Variants in DPP10 observed in about 807,000 individuals in gnomAD.
DPP10 encodes dipeptidyl peptidase like 10, also known as inactive dipeptidyl peptidase 10.
DPP10 carries 33 observed loss-of-function variants against 120.9 expected under a neutral mutation model. That is an observed-to-expected ratio of 0.27 (90% CI 0.21 to 0.37). The LOEUF (loss-of-function observed/expected upper bound fraction) is 0.37, where lower values mean the gene tolerates loss of function less well. DPP10 is among the 10% of genes least tolerant of loss of function. The pLI, the probability that DPP10 is intolerant of heterozygous loss-of-function variation, is 1.00. For synonymous variants in DPP10, 337 were observed against 326.1 expected, an observed-to-expected ratio of 1.03 and a Z score of -0.36; for missense variants, 816 against 942.8, an observed-to-expected ratio of 0.87 and a Z score of 1.76.
At chr2:115,245,199 A>G (rs1375460523) in intron 1 of DPP10, among the ~76,000 whole-genome samples, 1 of 152,040 alleles carries the variant, frequency 6.6e-6, no homozygotes, top group African/African-American at 2.4e-5. Flanking sequence ...GCTGAGTGGT[A>G]TTCTATGGTG....
At chr2:114,941,280 C>T (rs996258071) in intron 1 of DPP10, among the ~76,000 whole-genome samples, 3 of 152,012 alleles carry the variant, frequency 2.0e-5, no homozygotes, top group African/African-American at 7.3e-5. Flanking sequence ...ATGTTCACTC[C>T]CAGGGTATTT....
intron 1 of DPP10, among the ~76,000 whole-genome samples, chr2:114,481,517 G>A (rs72949888): frequency 0.042 from 6,440 of 152,128 alleles, 175 homozygotes; most frequent in Middle Eastern, 0.085. Flanking sequence ...GTACTCTTTG[G>A]CATTTATCCC....
At chr2:115,671,435 A>C (rs77545195) in intron 5 of DPP10, among the ~76,000 whole-genome samples, 16,707 of 151,990 alleles carry the variant, frequency 0.11, 1,305 homozygotes, top group Middle Eastern at 0.23. Flanking sequence ...AATTAATTCA[A>C]AGTTTTCATT....
At chr2:114,477,878 T>C (rs566513764) in intron 1 of DPP10, among the ~76,000 whole-genome samples, 2 of 124,518 alleles carry the variant, frequency 1.6e-5, no homozygotes, top group South Asian at 4.9e-4. Flanking sequence ...TGTACATATA[T>C]GTGTATATAT....
chr2:115,402,483 G>A (rs945756117), intron 3 of DPP10, among the ~76,000 whole-genome samples: 3 of 151,966 alleles, frequency 2.0e-5, no homozygotes, highest in Admixed American at 2.0e-4. Flanking sequence ...ACTAAAATAC[G>A]AAGAATCATA....
chr2:115,141,441 T>A (rs2104842611), intron 1 of DPP10, among the ~76,000 whole-genome samples: 1 of 152,294 alleles, frequency 6.6e-6, no homozygotes, highest in African/African-American at 2.4e-5. Flanking sequence ...TAGAGGTGAA[T>A]AAAGGTTAAA....
At chr2:115,028,169 A>G (rs528665478) in intron 1 of DPP10, among the ~76,000 whole-genome samples, 1 of 151,900 alleles carries the variant, frequency 6.6e-6, no homozygotes, top group Non-Finnish European at 1.5e-5. Context: ...TTGCTTTGTC[A>G]GTTCCTTAAG....
chr2:114,817,065 G>A (rs1435485335), intron 1 of DPP10, among the ~76,000 whole-genome samples: 1 of 152,142 alleles, frequency 6.6e-6, no homozygotes, highest in African/African-American at 2.4e-5. Flanking sequence ...TGTATGCTTG[G>A]AAATGGTTTT....
chr2:115,682,468 C>T (rs759863722), intron 5 of DPP10, among the ~76,000 whole-genome samples: 9 of 151,680 alleles, frequency 5.9e-5, no homozygotes, highest in Non-Finnish European at 1.0e-4. Flanking sequence ...CTATAGAAAA[C>T]GTCGCAGGAA....
At chr2:115,494,974 G>A (rs1034681035) in intron 3 of DPP10, among the ~76,000 whole-genome samples, 19 of 152,056 alleles carry the variant, frequency 1.2e-4, no homozygotes, top group African/African-American at 4.6e-4. Flanking sequence ...AAGACCAACA[G>A]AAACCAATAT....
chr2:114,505,469 T>G lies in DPP10; in HGVS notation c.60+62631T>G, dbSNP rs189117411. 3.3e-5 allele frequency among the ~76,000 whole-genome samples: 5 copies of G among 152,176 alleles called. No individual in the cohort carries two copies. The East Asian group carries it at 9.7e-4, about 29-fold the overall frequency. On this transcript the variant is annotated intron_variant, in intron 1 of 25. Coordinates refer to ENST00000410059, the MANE Select transcript of DPP10 (RefSeq NM_020868.6). ...TCAAATGAAATTTATGTGTTTTTTTTTTTAATGGCCCATTTTTAGGTAGCA... is the reference window on the plus strand; with the variant it reads ...TCAAATGAAATTTATGTGTTTTTTTGTTTAATGGCCCATTTTTAGGTAGCA...
chr2:115,300,114 T>C (rs942895968), intron 1 of DPP10, among the ~76,000 whole-genome samples: 2 of 152,100 alleles, frequency 1.3e-5, no homozygotes, highest in Non-Finnish European at 2.9e-5. Context: ...GTACTGTTCA[T>C]TGACATTAAG....
intron 1 of DPP10, among the ~76,000 whole-genome samples, chr2:114,518,706 C>T (rs1351882012): frequency 6.6e-6 from 1 of 152,212 alleles, no homozygotes; most frequent in Admixed American, 6.5e-5. Context: ...ATGGAGTCAT[C>T]ACCTGCATTT....
chr2:115,637,606 T>C (rs765339580), intron 5 of DPP10, among the ~76,000 whole-genome samples: 1 of 152,152 alleles, frequency 6.6e-6, no homozygotes, highest in Non-Finnish European at 1.5e-5. Context: ...CAAAGAAACT[T>C]AGCAGCTCTC....
chr2:115,613,681 C>T (rs2084279718), intron 5 of DPP10, among the ~76,000 whole-genome samples: 1 of 152,190 alleles, frequency 6.6e-6, no homozygotes, highest in Non-Finnish European at 1.5e-5. Flanking sequence ...TATATTTATT[C>T]TCTGAGACCC....
intron 21 of DPP10, among the ~76,000 whole-genome samples, chr2:115,824,485 C>G (rs929739572): frequency 6.6e-6 from 1 of 152,020 alleles, no homozygotes; most frequent in Admixed American, 6.6e-5. Flanking sequence ...CCCCACCCCC[C>G]AACAGGCACC....
At chr2:115,060,981 A>T (rs1706356241) in intron 1 of DPP10, among the ~76,000 whole-genome samples, 1 of 152,204 alleles carries the variant, frequency 6.6e-6, no homozygotes, top group South Asian at 2.1e-4. Context: ...GCTGAAGCTC[A>T]TAATGGATTT....
At chr2:115,585,152 G>A (rs1460153600) in intron 5 of DPP10, among the ~76,000 whole-genome samples, 1 of 152,118 alleles carries the variant, frequency 6.6e-6, no homozygotes, top group African/African-American at 2.4e-5. Flanking sequence ...CAGGCTATGA[G>A]GGCAAAATAT....
At chr2:114,619,361 G>A (rs1693909691) in intron 1 of DPP10, among the ~76,000 whole-genome samples, 1 of 150,502 alleles carries the variant, frequency 6.6e-6, no homozygotes, top group Non-Finnish European at 1.5e-5. Flanking sequence ...ATATCTATAT[G>A]TGTGTGTATA....
Sources: gnomAD v4.1 joint callset for allele counts (sites outside exome capture counted in the v4.1 genomes callset) on GRCh38, gnomAD v4.1.1 for gene constraint, MANE v1.5 for transcripts, NCBI Gene and HGNC (gene_info 2026-07-23, HGNC 2026-07-21) for gene names.